Variants in CYB5R1 observed in about 807,000 individuals in gnomAD.
CYB5R1 encodes cytochrome b5 reductase 1.
A neutral mutation model predicts 37.4 loss-of-function variants in CYB5R1; 32 were observed. The observed-to-expected ratio is 0.86, with a 90% CI of 0.65 to 1.15. The LOEUF is 1.15. Among genes scored for constraint, CYB5R1 ranks in the 50% most tolerant of loss-of-function variants. The pLI, the probability that CYB5R1 is intolerant of heterozygous loss-of-function variation, is 0.00. For synonymous variants in CYB5R1, 159 were observed against 155.2 expected (o/e 1.02, Z -0.18); for missense variants, 345 against 382.5 (o/e 0.90, Z 0.82).
In CYB5R1 at chr1:202,965,516, G is replaced by T. The variant is rs1655071947; in HGVS notation, c.346-16C>A. ...TCAGGTAGACCTTACAAGACAGAGA[G>T]AAAAATACCTTATTTGGAATGTCAC... On this transcript the variant is annotated splice_polypyrimidine_tract_variant and intron_variant, in intron 4 of 8. Transcript: ENST00000367249. 6.4e-7 allele frequency: 1 copy of T among 1,561,042 alleles called. No homozygotes were observed.
At chr1:202,963,240 T>G (rs999548975) in intron 7 of CYB5R1, 75 bp from the exon 8 acceptor site, 1 of 1,042,122 alleles carries the variant, frequency 9.6e-7, no homozygotes, top group African/African-American at 1.6e-5. Context: ...CTATACAACT[T>G]TCCAACTAAG....
At chr1:202,965,000 G>A in intron 5 of CYB5R1, 1 of 463,940 alleles carries the variant, frequency 2.2e-6, no homozygotes, top group Admixed American at 3.6e-5. Context: ...TTCCCAAGTG[G>A]CACACAGCAG....
chr1:202,964,906 G>T, intron 5 of CYB5R1: 1 of 576,100 alleles, frequency 1.7e-6, no homozygotes, highest in Non-Finnish European at 3.1e-6. Context: ...AGTCAGTTCA[G>T]CGCCACACAA....
chr1:202,966,611 G>A lies in CYB5R1; in HGVS notation c.166-11C>T. On this transcript the variant is annotated splice_polypyrimidine_tract_variant and intron_variant, in intron 2 of 8. Transcript: ENST00000367249. ...GTTGTGGCTCACAGTCTGGAGGGTG[G>A]AGGACACAAGTGTTTCACCAAGCGC... 1.2e-6 allele frequency: 2 copies of A among 1,614,192 alleles called. No homozygotes were observed. The highest frequency in any genetic ancestry group is 1.7e-6 in the Non-Finnish European group (2 of 1,180,028).
chr1:202,962,831 G>T, intron 8 of CYB5R1, 132 bp from the exon 9 acceptor site: 1 of 1,162,716 alleles, frequency 8.6e-7, no homozygotes, highest in Non-Finnish European at 1.3e-6. Flanking sequence ...GCTGGGAATG[G>T]GTATACTCAG....
chr1:202,965,298 GC>G, intron 5 of CYB5R1, 72 bp downstream of exon 5: 2 of 1,484,470 alleles, frequency 1.3e-6, no homozygotes, highest in South Asian at 2.8e-5. Flanking sequence ...TGTACACACA[GC>G]CATACTGTGC....
Position 202,963,148 on chromosome 1 carries a change from G to A in CYB5R1, c.663C>T (p.Ile221=), listed in dbSNP as rs756594390. ...GCAGTTCCTCTAAGTCCTCCCGCAA[G>A]ATGATATCCTTTTCTGTCTGAAATG... ...LFANQTEKDI[I]LREDLEELQA... The change falls in exon 8 of 9, where the codon ATC becomes ATT. Residue 221 remains isoleucine, a synonymous_variant. Transcript: ENST00000367249. 1.7e-5 allele frequency: 27 copies of A among 1,613,984 alleles called. No individual in the cohort carries two copies. The highest frequency in any genetic ancestry group is 2.2e-5 in the Non-Finnish European group (26 of 1,179,826).
chr1:202,966,637 GC>G (rs760794668), intron 2 of CYB5R1, 37 bp from the exon 3 acceptor site: 3 of 1,613,714 alleles, frequency 1.9e-6, no homozygotes, highest in Non-Finnish European at 2.5e-6. Context: ...CACCAAGCGC[GC>G]CTGGCGCTGC....
intron 8 of CYB5R1, 140 bp from the exon 9 acceptor site, chr1:202,962,839 C>T (rs1655018830): frequency 7.1e-6 from 8 of 1,127,106 alleles, no homozygotes; most frequent in South Asian, 1.3e-5. Flanking sequence ...TGGGTATACT[C>T]AGCCTGCCTC....
chr1:202,965,953 C>G lies in CYB5R1; in HGVS notation c.279G>C (p.Leu93=). Residue 93 remains leucine, a synonymous_variant, in exon 4 of 9, where the codon CTG becomes CTC. Transcript: ENST00000367249. The stretch of plus-strand genomic sequence containing the variant: ...TGACAGGAGTGTATGGCCTGATGAC[C>G]AGGCTGCCATCAATTCGGGTGGAGA... The part of the protein sequence containing the change: ...IYLSTRIDGS[L]VIRPYTPVTS... 1 of 1,614,062 alleles carries G rather than the reference C, an allele frequency of 6.2e-7. No individual in the cohort carries two copies. Among genetic ancestry groups the G allele is most frequent in the Non-Finnish European group, 8.5e-7 (1 of 1,179,946 alleles).
At chr1:202,964,257 G>C (rs1655044675) in intron 6 of CYB5R1, 1 of 270,704 alleles carries the variant, frequency 3.7e-6, no homozygotes, top group African/African-American at 2.2e-5. Flanking sequence ...CTAATATATA[G>C]TAGTGTATTA....
chr1:202,966,885 A>G lies in CYB5R1; in HGVS notation c.29T>C (p.Leu10Pro), dbSNP rs1422833463. 5 of 1,610,650 alleles carry G rather than the reference A, an allele frequency of 3.1e-6. No individual in the cohort carries two copies. The highest frequency in any genetic ancestry group is 1.7e-5 in the Admixed American group (1 of 59,378). ...GACCAGCCCCACCCCCAGGGAGGCC[A>G]GCAGGACGGGGCTCTGTGGGTAGAG... is the stretch of plus-strand genomic sequence containing the variant. MGIQTSPVL[L>P]ASLGVGLVTL... is the part of the protein sequence containing the mutation. The change falls in exon 2 of 9, where the codon CTG becomes CCG. Residue 10 changes from leucine (L) to proline (P), a missense_variant. By Grantham distance (98) the Leu-to-Pro change is moderately conservative (BLOSUM62 -3). Transcript: ENST00000367249.
At chr1:202,965,328 T>C (rs1416646017) in intron 5 of CYB5R1, 43 bp downstream of exon 5, 1 of 1,531,200 alleles carries the variant, frequency 6.5e-7, no homozygotes, top group East Asian at 2.4e-5. Flanking sequence ...CTATGGGAAC[T>C]GATAAAGTGG....
At position 202,963,314 on chromosome 1, in the gene CYB5R1, G is replaced by A. The variant is rs2232849; in HGVS notation, c.646-149C>T. On this transcript the variant is annotated intron_variant, in intron 7 of 8. Transcript: ENST00000367249. ...AAGCAAGACTTGCAGTGCTTTTAGG[G>A]AGTTAGGATGAGGAGAAGAGGGGAA... is the stretch of plus-strand genomic sequence containing the variant. 5,543 of 617,626 alleles carry A rather than the reference G, an allele frequency of 9.0e-3. 222 individuals carry two copies. Among genetic ancestry groups the A allele is most frequent in the African/African-American group, 0.083 (4,518 of 54,244 alleles). The allele number at this position is 617,626 out of a possible 1,614,324, so 38.3% of individuals were successfully genotyped here. A position where few individuals can be genotyped will look rare whatever the true frequency, so the allele number is the denominator to read the frequency against.
In CYB5R1 at chr1:202,962,515, G is replaced by A; in HGVS notation, c.*12C>T. The A allele has an allele frequency of 6.3e-7, 1 of 1,595,990 alleles. No homozygotes were observed. Among genetic ancestry groups the A allele is most frequent in the Non-Finnish European group, 8.6e-7 (1 of 1,169,530 alleles). ...AACTGCAGCGAACAGCACCAGGGAAGCTGGAGGATGCTCAGTAGGTGAATC... is the reference window on the plus strand; with the variant it reads ...AACTGCAGCGAACAGCACCAGGGAAACTGGAGGATGCTCAGTAGGTGAATC... On this transcript the variant is annotated 3_prime_UTR_variant, in exon 9 of 9. Coordinates refer to ENST00000367249, the MANE Select transcript of CYB5R1 (RefSeq NM_016243.3).
rs1655003189 is a variant in CYB5R1 at position 202,962,254 on chromosome 1, C to T, written c.*273G>A. On this transcript the variant is annotated 3_prime_UTR_variant, in exon 9 of 9. Coordinates refer to ENST00000367249, the MANE Select transcript of CYB5R1 (RefSeq NM_016243.3). ...CAATCTTGGACCAAGCGTACATGCT[C>T]CCTTCCTTCTTACTCCATGGAAGAG... 2.6e-6 allele frequency: 1 copy of T among 390,580 alleles called. No homozygotes were observed. The highest frequency in any genetic ancestry group is 4.3e-5 in the Admixed American group (1 of 23,312). 24.2% of individuals were successfully genotyped at this position (390,580 alleles called of 1,614,324 possible).
intron 8 of CYB5R1, 113 bp downstream of exon 8, chr1:202,962,953 G>T: frequency 9.4e-7 from 1 of 1,068,692 alleles, no homozygotes; most frequent in Non-Finnish European, 1.5e-6. Flanking sequence ...TCAGACTTCC[G>T]AGTTGGCAGT....
In CYB5R1 at chr1:202,962,455, C is replaced by A; in HGVS notation, c.*72G>T. On this transcript the variant is annotated 3_prime_UTR_variant, in exon 9 of 9. Transcript: ENST00000367249. ...AACCTGAAACTCTGAGGAAAGGAAT[C>A]TAAGGCTTATAGTGCTTGAGTACTG... The A allele has an allele frequency of 6.7e-7, 1 of 1,501,138 alleles. No homozygotes were observed. The highest frequency in any genetic ancestry group is 8.9e-7 in the Non-Finnish European group (1 of 1,121,076). The allele number at this position is 1,501,138 out of a possible 1,614,324, so 93.0% of individuals were successfully genotyped here. A position where few individuals can be genotyped will look rare whatever the true frequency, so the allele number is the denominator to read the frequency against.
chr1:202,963,150 T>C lies in CYB5R1; in HGVS notation c.661A>G (p.Ile221Val), dbSNP rs780457584. 8.7e-6 allele frequency: 14 copies of C among 1,614,008 alleles called. No individual in the cohort carries two copies. The highest frequency in any genetic ancestry group is 1.2e-5 in the Non-Finnish European group (14 of 1,179,844). Reference sequence around the variant, plus strand: ...AGTTCCTCTAAGTCCTCCCGCAAGATGATATCCTTTTCTGTCTGAAATGCA... The same window carrying C: ...AGTTCCTCTAAGTCCTCCCGCAAGACGATATCCTTTTCTGTCTGAAATGCA... ...LFANQTEKDI[I>V]LREDLEELQA... The change falls in exon 8 of 9, where the codon ATC (isoleucine) becomes GTC (valine). Residue 221 changes from isoleucine (I) to valine (V), a missense_variant. Coordinates refer to ENST00000367249, the MANE Select transcript of CYB5R1 (RefSeq NM_016243.3).
Sources: allele counts gnomAD v4.1 joint callset, GRCh38; gene constraint gnomAD v4.1.1; transcripts MANE v1.5; gene names NCBI Gene and HGNC (gene_info 2026-07-23, HGNC 2026-07-21).